Variants in SHANK2 observed in about 807,000 individuals in gnomAD.
SHANK2 encodes SH3 and multiple ankyrin repeat domains protein 2.
Under a neutral mutation model 133.7 loss-of-function variants are expected in SHANK2, and 43 were observed. The ratio of observed to expected loss-of-function variants is 0.32; its 90% CI spans 0.25 to 0.41. SHANK2 has a LOEUF of 0.41. SHANK2 is among the 10% of genes least tolerant of loss of function. SHANK2 has a pLI of 1.00. For synonymous variants in SHANK2, 1,017 were observed against 952.8 expected, an observed-to-expected ratio of 1.07 and a Z score of -1.24; for missense variants, 1,994 against 2,235.8, an observed-to-expected ratio of 0.89 and a Z score of 2.18.
intron 8 of SHANK2, among the ~76,000 whole-genome samples, chr11:71,085,733 A>C (rs1204701460): frequency 1.4e-5 from 1 of 70,958 alleles, no homozygotes; most frequent in Non-Finnish European, 2.4e-5. Context: ...TATAAAATAT[A>C]ATATATTATA....
intron 17 of SHANK2, among the ~76,000 whole-genome samples, chr11:70,570,017 G>A (rs1411441221): frequency 6.6e-6 from 1 of 152,046 alleles, no homozygotes; most frequent in African/African-American, 2.4e-5. Context: ...CAGCTGTTGA[G>A]TCTCCCCCTG....
At chr11:70,627,696 C>T (rs573418609) in intron 17 of SHANK2, among the ~76,000 whole-genome samples, 8 of 152,312 alleles carry the variant, frequency 5.3e-5, no homozygotes, top group South Asian at 2.1e-4. Flanking sequence ...ATGAAATTCA[C>T]GTATGCTTTA....
At chr11:70,846,687 T>C (rs1216189650) in intron 11 of SHANK2, among the ~76,000 whole-genome samples, 1 of 152,162 alleles carries the variant, frequency 6.6e-6, no homozygotes, top group African/African-American at 2.4e-5. Flanking sequence ...GAAGGCAGCG[T>C]CATCATCCCC....
intron 11 of SHANK2, among the ~76,000 whole-genome samples, chr11:70,888,873 G>A (rs1376210266): frequency 6.6e-6 from 1 of 152,022 alleles, no homozygotes; most frequent in African/African-American, 2.4e-5. Context: ...GACTTGGAGT[G>A]AACAAGAGCT....
Position 70,485,943 on chromosome 11 carries a change from C to T in SHANK2, c.4350G>A (p.Ser1450=), listed in dbSNP as rs782398818. ...AGTTGGTTGGTTGGCTGGAGTTCAACGAAGGGGACTGAGGGGTGTCGCTTT... is the reference window on the plus strand; with the variant it reads ...AGTTGGTTGGTTGGCTGGAGTTCAATGAAGGGGACTGAGGGGTGTCGCTTT... The part of the protein sequence containing the change: ...QKKSDTPQSP[S]LNSSQPTNSA... The change falls in exon 25 of 26, where the codon TCG becomes TCA. Residue 1450 remains serine, a synonymous_variant. Coordinates refer to ENST00000601538, the MANE Select transcript of SHANK2 (RefSeq NM_012309.5). This position sits in a 1 kb window ranked among gnomAD's most constrained non-coding sequence, Gnocchi z 5.8. 3.7e-6 allele frequency: 6 copies of T among 1,614,080 alleles called. No individual in the cohort carries two copies. The highest frequency in any genetic ancestry group is 1.6e-4 in the Middle Eastern group (1 of 6,062).
At chr11:70,742,417 G>A (rs1169933016) in intron 14 of SHANK2, among the ~76,000 whole-genome samples, 1 of 152,214 alleles carries the variant, frequency 6.6e-6, no homozygotes, top group Non-Finnish European at 1.5e-5. Context: ...AGTTTGGAAT[G>A]CTTTTTCAAA....
intron 17 of SHANK2, among the ~76,000 whole-genome samples, chr11:70,509,343 C>G (rs1453618754): frequency 6.6e-6 from 1 of 152,246 alleles, no homozygotes; most frequent in Non-Finnish European, 1.5e-5. Flanking sequence ...GGGCCACAGT[C>G]TTGGCTCTTG....
intron 17 of SHANK2, among the ~76,000 whole-genome samples, chr11:70,619,126 C>T (rs182942087): frequency 5.3e-5 from 8 of 152,362 alleles, no homozygotes; most frequent in African/African-American, 1.7e-4. Flanking sequence ...TAAGGACTTC[C>T]TGAGGGTTCA....
intron 14 of SHANK2, among the ~76,000 whole-genome samples, chr11:70,753,637 A>G (rs1946801888): frequency 6.6e-6 from 1 of 152,204 alleles, no homozygotes; most frequent in Non-Finnish European, 1.5e-5. Flanking sequence ...CAAATTACTA[A>G]AAGAGATGAT....
chr11:70,746,563 C>G (rs1196729671), intron 14 of SHANK2, among the ~76,000 whole-genome samples: 1 of 117,470 alleles, frequency 8.5e-6, no homozygotes, highest in Non-Finnish European at 1.8e-5. Flanking sequence ...TTCTCCAGGA[C>G]GGGAAGGCTG....
chr11:70,639,224 G>A (rs901286413), intron 17 of SHANK2, among the ~76,000 whole-genome samples: 1 of 152,166 alleles, frequency 6.6e-6, no homozygotes, highest in African/African-American at 2.4e-5. Flanking sequence ...GTGGAAGTGG[G>A]CTCCGCAAGT....
chr11:71,130,880 C>T (rs1156694068), intron 3 of SHANK2, among the ~76,000 whole-genome samples: 4 of 152,216 alleles, frequency 2.6e-5, no homozygotes, highest in African/African-American at 7.2e-5. Flanking sequence ...ATGTAAGCAG[C>T]GTTCAGCAAG....
At chr11:70,606,617 G>A (rs1467821491) in intron 17 of SHANK2, among the ~76,000 whole-genome samples, 1 of 150,954 alleles carries the variant, frequency 6.6e-6, no homozygotes, top group Non-Finnish European at 1.5e-5. Flanking sequence ...GCCAAGTCCT[G>A]CAGTACAATT....
chr11:70,927,861 G>A (rs7944247), intron 10 of SHANK2, among the ~76,000 whole-genome samples: 52,079 of 151,980 alleles, frequency 0.34, 12,315 homozygotes, highest in African/African-American at 0.68. Context: ...ATAGAACAAA[G>A]GGAAGAGGAA....
At chr11:70,554,766 G>A (rs2059808306) in intron 17 of SHANK2, among the ~76,000 whole-genome samples, 1 of 151,454 alleles carries the variant, frequency 6.6e-6, no homozygotes. Flanking sequence ...GCCCAACAAT[G>A]GCTGTGCCCC....
intron 2 of SHANK2, among the ~76,000 whole-genome samples, chr11:71,212,131 T>C (rs1426546358): frequency 6.6e-6 from 1 of 152,182 alleles, no homozygotes; most frequent in African/African-American, 2.4e-5. Context: ...ACAAAAGAAT[T>C]CTGTTATTCC....
chr11:71,181,116 G>C (rs1157200617), intron 2 of SHANK2, among the ~76,000 whole-genome samples: 1 of 152,048 alleles, frequency 6.6e-6, no homozygotes, highest in East Asian at 1.9e-4. Flanking sequence ...TGCTGACGAG[G>C]GGAGGTCTGG....
At chr11:70,899,240 C>A (rs1949989003) in intron 10 of SHANK2, among the ~76,000 whole-genome samples, 1 of 152,070 alleles carries the variant, frequency 6.6e-6, no homozygotes, top group African/African-American at 2.4e-5. Context: ...GGGGTGGTTT[C>A]CCCGTGCTGT....
chr11:71,103,238 G>A (rs1951747199), intron 6 of SHANK2, among the ~76,000 whole-genome samples: 2 of 152,198 alleles, frequency 1.3e-5, no homozygotes, highest in South Asian at 2.1e-4. Context: ...GCCTGCAGGG[G>A]ACCCCCTTGA....
Sources: gnomAD v4.1 joint callset for allele counts (sites outside exome capture counted in the v4.1 genomes callset) on GRCh38, gnomAD v4.1.1 for gene constraint, Gnocchi (gnomAD v3.1) non-coding constraint, MANE v1.5 for transcripts, NCBI Gene and HGNC (gene_info 2026-07-23, HGNC 2026-07-21) for gene names.